EVI5L: variants seen among roughly 807,000 people sequenced by gnomAD.
EVI5L encodes the protein ecotropic viral integration site 5 like, also known as EVI5-like protein.
In EVI5L, 30 loss-of-function variants were observed where a neutral mutation model predicts 106.1. The observed-to-expected ratio is 0.28, with a 90% CI of 0.21 to 0.38. EVI5L has a LOEUF of 0.38. EVI5L is among the 10% of genes least tolerant of loss of function. EVI5L has a pLI of 1.00. For synonymous variants in EVI5L, 489 were observed against 483.3 expected (o/e 1.01, Z -0.15); for missense variants, 809 against 1,098.0 (o/e 0.74, Z 3.72).
Position 7,857,075 on chromosome 19 carries a change from C to A in EVI5L, c.1201-17C>A. Reference sequence around the variant, plus strand: ...TGCCTCCTCCCCCTGTCGCTGGGAACCCCCTTCGCCGGGTAGGAGAGCGCT... The same window carrying A: ...TGCCTCCTCCCCCTGTCGCTGGGAAACCCCTTCGCCGGGTAGGAGAGCGCT... On this transcript the variant is annotated splice_polypyrimidine_tract_variant and intron_variant, in intron 11 of 19. Transcript: ENST00000538904. The surrounding 1 kb of genome is among the most constrained non-coding windows in gnomAD (Gnocchi z 4.5). 1 of 1,551,840 alleles carries A rather than the reference C, an allele frequency of 6.4e-7. No individual in the cohort carries two copies. Among genetic ancestry groups the A allele is most frequent in the Non-Finnish European group, 8.7e-7 (1 of 1,147,004 alleles).
At chr19:7,860,118 C>T (rs1399950752) in intron 13 of EVI5L, among the ~76,000 whole-genome samples, 2 of 152,210 alleles carry the variant, frequency 1.3e-5, no homozygotes, top group African/African-American at 4.8e-5. Flanking sequence ...TCATCCTTCC[C>T]TGATTTGAAA....
chr19:7,853,127 G>A lies in EVI5L; in HGVS notation c.1029G>A (p.Pro343=), dbSNP rs375217848. ...TCCCCCACCAGTTCGACAGCTGCCC[G>A]GACAAGCTGGTCCTCAAAGCCTACC... is the stretch of plus-strand genomic sequence containing the variant. The part of the protein sequence containing the change: ...RVIPHQFDSC[P]DKLVLKAYQV... Residue 343 remains proline (P), a synonymous_variant, in exon 9 of 20, where the codon CCG becomes CCA. Transcript: ENST00000538904. The A allele has an allele frequency of 1.3e-4, 216 of 1,613,798 alleles. 2 individuals are homozygous for A. Among genetic ancestry groups the A allele is most frequent in the Non-Finnish European group, 1.5e-4 (176 of 1,180,046 alleles).
Position 7,850,080 on chromosome 19 carries a change from C to T in EVI5L, c.711C>T (p.Ala237=), listed in dbSNP as rs372190141. The T allele has an allele frequency of 2.4e-5, 39 of 1,605,110 alleles. No homozygotes were observed. The highest frequency in any genetic ancestry group is 3.3e-4 in the Middle Eastern group (2 of 5,988). ...GGGAGCTCTTCAAACCCAGCATGGCCGAGCTCGGGCTCTGCATCTATCAGT... is the reference window on the plus strand; with the variant it reads ...GGGAGCTCTTCAAACCCAGCATGGCTGAGCTCGGGCTCTGCATCTATCAGT... The part of the protein sequence containing the change: ...RLRELFKPSM[A]ELGLCIYQFE... The change falls in exon 6 of 20, where the codon GCC becomes GCT. Residue 237 remains alanine, a synonymous_variant. Coordinates refer to ENST00000538904, the MANE Select transcript of EVI5L (RefSeq NM_001159944.3). The surrounding 1 kb of genome is among the most constrained non-coding windows in gnomAD (Gnocchi z 5.4).
In EVI5L at chr19:7,853,324, C is replaced by G. The variant is rs768219360; in HGVS notation, c.1137C>G (p.Ile379Met). Residue 379 changes from isoleucine to methionine, a missense_variant, in exon 10 of 20, where the codon ATC (isoleucine) becomes ATG (methionine). Ile to Met is a conservative substitution (Grantham distance 10). This residue lies in a region of EVI5L where 357 missense variants were observed against 588.1 expected (regional missense o/e 0.61). Transcript: ENST00000538904. Reference protein sequence around the residue: ...AMKSKEMEEQIEIKRLRTENR... With the variant: ...AMKSKEMEEQMEIKRLRTENR... ...AGAGCAAGGAGATGGAGGAGCAGATCGAGATCAAAGTGAGTCCAGGGGCCC... is the reference window on the plus strand; with the variant it reads ...AGAGCAAGGAGATGGAGGAGCAGATGGAGATCAAAGTGAGTCCAGGGGCCC... The G allele has an allele frequency of 6.2e-7, 1 of 1,611,276 alleles. No homozygotes were observed. Among genetic ancestry groups the G allele is most frequent in the Admixed American group, 1.7e-5 (1 of 59,230 alleles).
chr19:7,847,035 A>G (rs1978984185), intron 2 of EVI5L, among the ~76,000 whole-genome samples: 1 of 152,152 alleles, frequency 6.6e-6, no homozygotes, highest in Non-Finnish European at 1.5e-5. Flanking sequence ...GGTGGCTCAC[A>G]CCACCGAACA....
intron 17 of EVI5L, 147 bp downstream of exon 17, chr19:7,862,681 G>A (rs2146441141): frequency 2.2e-6 from 1 of 455,172 alleles, no homozygotes; most frequent in Non-Finnish European, 2.9e-6. Flanking sequence ...CCGCGGCCCC[G>A]CCTCCTGACC....
intron 1 of EVI5L, among the ~76,000 whole-genome samples, chr19:7,839,740 A>C (rs1275202103): frequency 3.7e-5 from 5 of 136,694 alleles, no homozygotes; most frequent in Non-Finnish European, 3.2e-5. Flanking sequence ...CCTGGGCAAC[A>C]TAGTGAGACC....
rs890490506 is a variant in EVI5L, at chr19:7,845,571, A to T, written c.-47-925A>T. On this transcript the variant is annotated intron_variant, in intron 1 of 19. Transcript: ENST00000538904. The surrounding 1 kb of genome is among the most constrained non-coding windows in gnomAD (Gnocchi z 4.0). ...TTGAGGCTAGGTCCTGTATGATCTC[A>T]GTGTACGGAGGCTCAGAGACACCAA... is the stretch of plus-strand genomic sequence containing the variant. 1.3e-5 allele frequency among the ~76,000 whole-genome samples: 2 copies of T among 152,186 alleles called. No individual in the cohort carries two copies. Among genetic ancestry groups the T allele is most frequent in the African/African-American group, 4.8e-5 (2 of 41,440 alleles).
rs1313466344 is a variant in EVI5L at position 7,863,035 on chromosome 19, A to T, written c.2011A>T (p.Met671Leu). The T allele has an allele frequency of 6.3e-7, 1 of 1,576,488 alleles. No homozygotes were observed. Among genetic ancestry groups the T allele is most frequent in the African/African-American group, 1.4e-5 (1 of 72,646 alleles). The change falls in exon 18 of 20, where the codon ATG becomes TTG. Residue 671 changes from methionine to leucine, a missense_variant. Physicochemically the swap from Met to Leu is conservative, Grantham distance 15. Coordinates refer to ENST00000538904, the MANE Select transcript of EVI5L (RefSeq NM_001159944.3). This position sits in a 1 kb window ranked among gnomAD's most constrained non-coding sequence, Gnocchi z 7.7. ...GGACAGCATGGCTGCGGTGGCCGAG[A>T]TGCGGCAGCGCATTGCCGAGCTGGA... ...EADSMAAVAE[M>L]RQRIAELEIQ...
At chr19:7,830,772 G>A (rs1259675990) in intron 1 of EVI5L, among the ~76,000 whole-genome samples, 1 of 59,264 alleles carries the variant, frequency 1.7e-5, no homozygotes, top group Non-Finnish European at 3.1e-5. Flanking sequence ...AAGAACCCCC[G>A]TCCACCTTCT....
At chr19:7,851,368 G>A (rs1979241122) in intron 6 of EVI5L, 66 bp from the exon 7 acceptor site, 1 of 1,556,724 alleles carries the variant, frequency 6.4e-7, no homozygotes, top group South Asian at 1.2e-5. Context: ...GGGACACTGA[G>A]GCCCAGCACC....
intron 8 of EVI5L, among the ~76,000 whole-genome samples, chr19:7,852,279 G>A (rs1249878178): frequency 6.6e-6 from 1 of 152,182 alleles, no homozygotes; most frequent in Non-Finnish European, 1.5e-5. Flanking sequence ...CCCTCCCCGC[G>A]TCCTCCAGCT....
Position 7,845,433 on chromosome 19 carries a change from C to G in EVI5L, c.-47-1063C>G, listed in dbSNP as rs976096481. Reference sequence around the variant, plus strand: ...CACAGGCCACAGCAGAACCCAGGAGCCCTGGCTCCAGGATGGACAGTGATA... The same window carrying G: ...CACAGGCCACAGCAGAACCCAGGAGGCCTGGCTCCAGGATGGACAGTGATA... On this transcript the variant is annotated intron_variant, in intron 1 of 19. Transcript: ENST00000538904. The surrounding 1 kb of genome is among the most constrained non-coding windows in gnomAD (Gnocchi z 4.0). Among the ~76,000 whole-genome samples the G allele has an allele frequency of 6.6e-6, 1 of 152,236 alleles. No homozygotes were observed. The highest frequency in any genetic ancestry group is 1.9e-4 in the East Asian group (1 of 5,196).
chr19:7,842,394 G>A (rs1018567035), intron 1 of EVI5L, among the ~76,000 whole-genome samples: 2 of 35,880 alleles, frequency 5.6e-5, no homozygotes, highest in African/African-American at 1.6e-4. Flanking sequence ...ATGTCTGTGA[G>A]AATGTGAGTG....
Position 7,856,872 on chromosome 19 carries a change from C to T in EVI5L, c.1201-220C>T, listed in dbSNP as rs1979552954. The T allele has an allele frequency of 2.9e-6, 2 of 700,844 alleles. No homozygotes were observed. The highest frequency in any genetic ancestry group is 3.5e-5 in the African/African-American group (2 of 57,206). The allele number at this position is 700,844 out of a possible 1,614,324, so 43.4% of individuals were successfully genotyped here. ...GCCGCGGGCACCCCCGACCTCCCCG[C>T]TCACACCGAACCCCTCTCCAGGACG... is the stretch of plus-strand genomic sequence containing the variant. On this transcript the variant is annotated intron_variant, in intron 11 of 19. Transcript: ENST00000538904. The surrounding 1 kb of genome is among the most constrained non-coding windows in gnomAD (Gnocchi z 6.6).
Position 7,856,807 on chromosome 19 carries a change from G to T in EVI5L, c.1201-285G>T, listed in dbSNP as rs912040783. 1.3e-5 allele frequency among the ~76,000 whole-genome samples: 2 copies of T among 152,270 alleles called. No homozygotes were observed. Among genetic ancestry groups the T allele is most frequent in the African/African-American group, 4.8e-5 (2 of 41,558 alleles). ...GCAGCGGCCCGGCTGACCCTGGAGG[G>T]TGGGACAGTGGGTTTCCCAGCCCTG... On this transcript the variant is annotated intron_variant, in intron 11 of 19. Transcript: ENST00000538904. The surrounding 1 kb of genome is among the most constrained non-coding windows in gnomAD (Gnocchi z 6.6).
chr19:7,852,718 A>T (rs1599572889), intron 8 of EVI5L: 6 of 212,760 alleles, frequency 2.8e-5, no homozygotes, highest in South Asian at 1.3e-4. Context: ...TGTCCAGCTA[A>T]TTTTTTTTTT....
In EVI5L at chr19:7,860,612, G is replaced by A; in HGVS notation, c.1426G>A (p.Glu476Lys). ...DFVSHLETEL[E>K]QSRLRETETL... The stretch of plus-strand genomic sequence containing the variant: ...CGTGTCCCACCTGGAGACCGAGCTG[G>A]AGCAGTCGAGGCTGCGGGAGACGGA... Residue 476 changes from glutamate to lysine, a missense_variant, in exon 14 of 20, where the codon GAG becomes AAG. Physicochemically the swap from Glu to Lys is moderately conservative, Grantham distance 56. Coordinates refer to ENST00000538904, the MANE Select transcript of EVI5L (RefSeq NM_001159944.3). The A allele has an allele frequency of 6.2e-7, 1 of 1,601,484 alleles. No individual in the cohort carries two copies.
intron 1 of EVI5L, among the ~76,000 whole-genome samples, chr19:7,842,412 A>G (rs1416359902): frequency 1.3e-4 from 7 of 55,154 alleles, no homozygotes; most frequent in African/African-American, 4.0e-4. Context: ...GTGTGTGTGT[A>G]TCAAGTGTGT....
Sources: gnomAD v4.1 joint callset for allele counts (sites outside exome capture counted in the v4.1 genomes callset) on GRCh38, gnomAD v4.1.1 for gene constraint, gnomAD v4.1.1 regional missense constraint, Gnocchi (gnomAD v3.1) non-coding constraint, MANE v1.5 for transcripts, NCBI Gene and HGNC (gene_info 2026-07-23, HGNC 2026-07-21) for gene names.